C16orf96: variants seen among roughly 807,000 people sequenced by gnomAD.
The protein encoded by C16orf96 is uncharacterized protein C16orf96.
C16orf96 carries 108 observed loss-of-function variants against 103.6 expected under a neutral mutation model. That is an observed-to-expected ratio of 1.04 (90% CI 0.89 to 1.22). C16orf96 has a LOEUF of 1.22. Among genes scored for constraint, C16orf96 ranks in the 50% most tolerant of loss-of-function variants. C16orf96 has a pLI of 0.00. For missense variants in C16orf96, 1,586 were observed against 1,464.2 expected (o/e 1.08, Z -1.36); for synonymous variants, 566 against 593.5 (o/e 0.95, Z 0.67).
At chr16:4,564,398 G>A (rs2059365651) in intron 1 of C16orf96, among the ~76,000 whole-genome samples, 1 of 152,102 alleles carries the variant, frequency 6.6e-6, no homozygotes, top group Non-Finnish European at 1.5e-5. Context: ...CAGTCTAAGG[G>A]GATGCTAACA....
In C16orf96 at chr16:4,600,139, G is replaced by T. The variant is rs1301814965; in HGVS notation, c.3248G>T (p.Gly1083Val). 1 of 1,551,546 alleles carries T rather than the reference G, an allele frequency of 6.4e-7. No homozygotes were observed. Among genetic ancestry groups the T allele is most frequent in the East Asian group, 2.4e-5 (1 of 40,896 alleles). ...PRSSACSAAS[G>V]PHLTMPARPP... ...TCCAGTGCCTGCTCAGCTGCCTCGGGCCCTCACCTGACGATGCCAGCTCGA... is the reference window on the plus strand; with the variant it reads ...TCCAGTGCCTGCTCAGCTGCCTCGGTCCCTCACCTGACGATGCCAGCTCGA... The change falls in exon 16 of 16, where the codon GGC becomes GTC. Residue 1083 changes from glycine (G) to valine (V), a missense_variant. By Grantham distance (109) the Gly-to-Val change is moderately radical (BLOSUM62 -3). Coordinates refer to ENST00000444310, the MANE Select transcript of C16orf96 (RefSeq NM_001145011.2).
chr16:4,578,488 G>A (rs1037715090), intron 5 of C16orf96, among the ~76,000 whole-genome samples: 4 of 152,022 alleles, frequency 2.6e-5, no homozygotes, highest in African/African-American at 7.2e-5. Flanking sequence ...GGCCGGGTGC[G>A]GTAGCTCATG....
intron 1 of C16orf96, among the ~76,000 whole-genome samples, chr16:4,557,284 C>G (rs906394977): frequency 1.1e-4 from 17 of 151,954 alleles, no homozygotes; most frequent in African/African-American, 3.6e-4. Flanking sequence ...CCTGGGACAT[C>G]TTGTTGCTTA....
the C16orf96 span, among the ~76,000 whole-genome samples, chr16:4,545,228 G>A: frequency 2.0e-5 from 3 of 152,106 alleles, no homozygotes; most frequent in Non-Finnish European, 4.4e-5. Flanking sequence ...TTTGTTTAGG[G>A]ACAGGGTCTG....
upstream of C16orf96, among the ~76,000 whole-genome samples, chr16:4,554,357 CT>C (rs879445516): frequency 2.9e-4 from 42 of 145,706 alleles, no homozygotes; most frequent in Admixed American, 4.8e-4. Flanking sequence ...TTTTCTTTTT[CT>C]TTTTTTTTTT....
chr16:4,579,060 G>C (rs969490955), intron 6 of C16orf96, 35 bp downstream of exon 6: 2 of 1,535,448 alleles, frequency 1.3e-6, no homozygotes, highest in African/African-American at 1.4e-5. Flanking sequence ...TTGAGGCAGT[G>C]ATGGCTTGAG....
intron 2 of C16orf96, among the ~76,000 whole-genome samples, chr16:4,573,855 A>T (rs1391568598): frequency 2.0e-5 from 3 of 151,778 alleles, no homozygotes; most frequent in African/African-American, 7.3e-5. Flanking sequence ...TCTTTTTGAG[A>T]CGGAGTCTCT....
At chr16:4,584,353 A>ACTTTTTTTTTTTTT (rs1567452369) in intron 7 of C16orf96, among the ~76,000 whole-genome samples, 1 of 7,186 alleles carries the variant, frequency 1.4e-4, no homozygotes, top group Non-Finnish European at 1.4e-3. Context: ...ATGCCTGGCT[A>ACTTTTTTTTTTTTT]ATTTTTTTTT....
In C16orf96 at chr16:4,587,064, T is replaced by C; in HGVS notation, c.2378T>C (p.Leu793Pro). ...FKTLQAQIKR[L>P]EMNKVNKSTM... ...ACTCTCCAGGCTCAAATCAAAAGAC[T>C]GGAAATGAACAAGGTGAATAAGAGC... The change falls in exon 8 of 16, where the codon CTG becomes CCG. Residue 793 changes from leucine (L) to proline (P), a missense_variant. Physicochemically the swap from Leu to Pro is moderately conservative, Grantham distance 98 (BLOSUM62 -3). Coordinates refer to ENST00000444310, the MANE Select transcript of C16orf96 (RefSeq NM_001145011.2). The C allele has an allele frequency of 3.2e-6, 5 of 1,551,508 alleles. No individual in the cohort carries two copies. Among genetic ancestry groups the C allele is most frequent in the Non-Finnish European group, 4.4e-6 (5 of 1,146,906 alleles).
intron 2 of C16orf96, among the ~76,000 whole-genome samples, chr16:4,574,122 T>G (rs2059472394): frequency 6.6e-6 from 1 of 152,162 alleles, no homozygotes; most frequent in South Asian, 2.1e-4. Context: ...CATGAGCCAC[T>G]GTGCCCGGCC....
Position 4,586,877 on chromosome 16 carries a change from G to A in C16orf96, c.2353-162G>A, listed in dbSNP as rs1362763900. On this transcript the variant is annotated intron_variant, in intron 7 of 15. Transcript: ENST00000444310. ...TCCTTCCCTTTTCATCTGGGCACCTGGAGCCCTTGAGCCTGAGTCTTGTAA... is the reference window on the plus strand; with the variant it reads ...TCCTTCCCTTTTCATCTGGGCACCTAGAGCCCTTGAGCCTGAGTCTTGTAA... Among the ~76,000 whole-genome samples the A allele has an allele frequency of 2.0e-5, 3 of 152,184 alleles. No individual in the cohort carries two copies. In the East Asian group the frequency reaches 5.8e-4, roughly 29 times the overall value.
chr16:4,564,628 T>G (rs1042864474), intron 1 of C16orf96, among the ~76,000 whole-genome samples: 4 of 152,124 alleles, frequency 2.6e-5, no homozygotes, highest in Admixed American at 2.6e-4. Flanking sequence ...CTGGCCGATG[T>G]GGCAAAACCT....
rs1380457185 is a variant in C16orf96 at position 4,580,003 on chromosome 16, T to TC, written c.2242-7dup. On this transcript the variant is annotated splice_polypyrimidine_tract_variant and intron_variant, in intron 6 of 15. Transcript: ENST00000444310. ...AGCAGAGGCCTGGGGTGTCTGTGTC[T>TC]CCCCCTTTTAGGAGGAAGAACTTGA... is the stretch of plus-strand genomic sequence containing the variant. 5.2e-6 allele frequency: 8 copies of TC among 1,542,654 alleles called. No homozygotes were observed. The highest frequency in any genetic ancestry group is 6.1e-6 in the Non-Finnish European group (7 of 1,139,172).
In C16orf96 at chr16:4,576,505, C is replaced by T; in HGVS notation, c.2025C>T (p.Ser675=). ...QAMVATKQAM[S]PEDKKRAVKY... ...TGGTGGCTACCAAGCAGGCCATGAG[C>T]CCTGAAGACAAGAAGAGGGCTGTCA... Residue 675 remains serine (S), a synonymous_variant, in exon 5 of 16, where the codon AGC becomes AGT. Transcript: ENST00000444310. 2 of 1,551,538 alleles carry T rather than the reference C, an allele frequency of 1.3e-6. No individual in the cohort carries two copies. The highest frequency in any genetic ancestry group is 4.9e-5 in the East Asian group (2 of 40,930).
At chr16:4,558,647 G>A (rs2059293355) in intron 1 of C16orf96, among the ~76,000 whole-genome samples, 1 of 149,740 alleles carries the variant, frequency 6.7e-6, no homozygotes, top group East Asian at 2.0e-4. Flanking sequence ...AGGCACAGTG[G>A]CGCACACCTG....
chr16:4,574,917 G>A (rs2059482595), intron 3 of C16orf96, 55 bp from the exon 4 acceptor site: 8 of 1,531,714 alleles, frequency 5.2e-6, no homozygotes, highest in Non-Finnish European at 7.1e-6. Flanking sequence ...TGCAGGTGTG[G>A]GGGACACTGC....
In C16orf96 at chr16:4,599,340, G is replaced by T; in HGVS notation, c.3184G>T (p.Ala1062Ser). 6.4e-7 allele frequency: 1 copy of T among 1,551,648 alleles called. No homozygotes were observed. The highest frequency in any genetic ancestry group is 8.7e-7 in the Non-Finnish European group (1 of 1,146,952). Residue 1062 changes from alanine to serine, a missense_variant, in exon 15 of 16, where the codon GCC becomes TCC. By Grantham distance (99) the Ala-to-Ser change is moderately conservative. Coordinates refer to ENST00000444310, the MANE Select transcript of C16orf96 (RefSeq NM_001145011.2). The part of the protein sequence containing the change: ...QSLYDRVHSS[A>S]LFGAICPPLC... ...CCTGTATGACCGTGTGCACTCCAGT[G>T]CCCTATTTGGCGCCATCTGCCCCCG...
Position 4,600,604 on chromosome 16 carries a change from G to A in C16orf96, c.*287G>A, listed in dbSNP as rs1361088526. ...GACCCAGGGCCCTGAGCCTGGCCCA[G>A]AAAGGGTGCTGGGGCCCTGGATAGA... On this transcript the variant is annotated 3_prime_UTR_variant, in exon 16 of 16. Transcript: ENST00000444310. The A allele has an allele frequency of 2.3e-6, 1 of 435,090 alleles. No homozygotes were observed. The highest frequency in any genetic ancestry group is 3.6e-5 in the Admixed American group (1 of 27,542). 27.0% of individuals were successfully genotyped at this position (435,090 alleles called of 1,614,324 possible). A position where few individuals can be genotyped will look rare whatever the true frequency, so the allele number is the denominator to read the frequency against.
rs1897064583 is a variant in C16orf96 at position 4,591,760 on chromosome 16, C to T, written c.2687C>T (p.Pro896Leu). Residue 896 changes from proline to leucine, a missense_variant, in exon 10 of 16, where the codon CCT becomes CTT. Coordinates refer to ENST00000444310, the MANE Select transcript of C16orf96 (RefSeq NM_001145011.2). ...CTGATTGAGGGCTTAAGACTGGATC[C>T]TGACAGTGCTGCTGGCTTTAGGAGG... is the stretch of plus-strand genomic sequence containing the variant. Reference protein sequence around the residue: ...KLLIEGLRLDPDSAAGFRRKL... With the variant: ...KLLIEGLRLDLDSAAGFRRKL... 3 of 1,551,660 alleles carry T rather than the reference C, an allele frequency of 1.9e-6. No homozygotes were observed. The highest frequency in any genetic ancestry group is 2.6e-6 in the Non-Finnish European group (3 of 1,146,990).
Sources: gnomAD v4.1 joint callset for allele counts (sites outside exome capture counted in the v4.1 genomes callset) on GRCh38, gnomAD v4.1.1 for gene constraint, MANE v1.5 for transcripts, NCBI Gene and HGNC (gene_info 2026-07-23, HGNC 2026-07-21) for gene names.